Variants in TIAM1 observed in about 807,000 individuals in gnomAD.
TIAM1 encodes the protein rho guanine nucleotide exchange factor TIAM1.
In TIAM1, 65 loss-of-function variants were observed where a neutral mutation model predicts 163.5. The observed-to-expected ratio is 0.40, with a 90% CI of 0.33 to 0.49. TIAM1 has a LOEUF of 0.49. Among genes scored for constraint, TIAM1 ranks in the 20% least tolerant of loss-of-function variants. TIAM1 has a pLI of 0.77. For missense variants in TIAM1, 1,789 were observed against 2,044.7 expected (o/e 0.87, Z 2.41); for synonymous variants, 833 against 810.1 (o/e 1.03, Z -0.48).
chr21:31,433,019 A>C (rs1157739110), intron 2 of TIAM1, among the ~76,000 whole-genome samples: 1 of 152,242 alleles, frequency 6.6e-6, no homozygotes, highest in Non-Finnish European at 1.5e-5. Flanking sequence ...TAACAAATTT[A>C]AATGTATGTG....
intron 15 of TIAM1, among the ~76,000 whole-genome samples, chr21:31,172,501 G>A (rs1462556669): frequency 6.6e-6 from 1 of 152,176 alleles, no homozygotes; most frequent in African/African-American, 2.4e-5. Flanking sequence ...ACCAATCAGA[G>A]AGAGAAGAAA....
intron 2 of TIAM1, among the ~76,000 whole-genome samples, chr21:31,279,486 C>G (rs115306438): frequency 1.3e-5 from 2 of 152,202 alleles, no homozygotes; most frequent in Non-Finnish European, 2.9e-5. Context: ...GAGACAGCTA[C>G]GTACCAAGCT....
At position 31,168,265 on chromosome 21, in the gene TIAM1, T is replaced by C. The variant is rs532810834; in HGVS notation, c.2888-3200A>G. Reference sequence around the variant, plus strand: ...CCGTCACCACGCTGGCTAATTTCTGTATTTTTAGTAGAAATGGGGTTTTGC... The same window carrying C: ...CCGTCACCACGCTGGCTAATTTCTGCATTTTTAGTAGAAATGGGGTTTTGC... On this transcript the variant is annotated intron_variant, in intron 15 of 27. Coordinates refer to ENST00000541036, the MANE Select transcript of TIAM1 (RefSeq NM_001353694.2). 1.5e-4 allele frequency among the ~76,000 whole-genome samples: 23 copies of C among 152,128 alleles called. No homozygotes were observed. The East Asian group carries it at 4.5e-3, about 30-fold the overall frequency.
At position 31,455,260 on chromosome 21, in the gene TIAM1, C is replaced by T. The variant is rs1442430566; in HGVS notation, c.-369+8723G>A. On this transcript the variant is annotated intron_variant, in intron 2 of 28. Transcript: ENST00000286827. ...TACCATTGCACTCCAGCCTGGGCAA[C>T]AAGAGTGAAACTCTGCCTCAAAAAA... Among the ~76,000 whole-genome samples, 3 of 85,152 alleles carry T rather than the reference C, an allele frequency of 3.5e-5. No homozygotes were observed. The East Asian group carries it at 1.1e-3, about 32-fold the overall frequency. 55.9% of individuals were successfully genotyped at this position (85,152 alleles called of 152,430 possible).
intron 2 of TIAM1, among the ~76,000 whole-genome samples, chr21:31,388,260 A>ACACACACACACG (rs1413732260): frequency 3.4e-5 from 1 of 29,522 alleles, no homozygotes; most frequent in Non-Finnish European, 7.0e-5. Context: ...CACACACACA[A>ACACACACACACG]CCTCTTACGT....
At chr21:31,394,284 C>A in intron 2 of TIAM1, among the ~76,000 whole-genome samples, 1 of 152,140 alleles carries the variant, frequency 6.6e-6, no homozygotes, top group East Asian at 1.9e-4. Context: ...TCCAACTACA[C>A]GACATCCTGG....
chr21:31,538,381 A>C (rs947396935), intron 1 of TIAM1, among the ~76,000 whole-genome samples: 2 of 152,212 alleles, frequency 1.3e-5, no homozygotes, highest in Non-Finnish European at 2.9e-5. Context: ...TGTCTCTATA[A>C]AAAATTTTTT....
intron 2 of TIAM1, among the ~76,000 whole-genome samples, chr21:31,388,956 T>G (rs2076924611): frequency 6.6e-6 from 1 of 152,214 alleles, no homozygotes; most frequent in African/African-American, 2.4e-5. Context: ...AAGCCAGGGT[T>G]CAGAAAACTT....
intron 2 of TIAM1, among the ~76,000 whole-genome samples, chr21:31,313,328 G>C (rs1466234994): frequency 6.6e-6 from 1 of 152,090 alleles, no homozygotes; most frequent in Non-Finnish European, 1.5e-5. Flanking sequence ...CAGGAAAATT[G>C]TTTAGCTCTT....
chr21:31,209,419 T>C (rs1247633510), intron 11 of TIAM1, among the ~76,000 whole-genome samples: 1 of 152,234 alleles, frequency 6.6e-6, no homozygotes, highest in African/African-American at 2.4e-5. Context: ...AGGCATTTCT[T>C]CCATGGTTTA....
At chr21:31,314,092 CTCAT>C (rs1449699796) in intron 2 of TIAM1, among the ~76,000 whole-genome samples, 1 of 152,118 alleles carries the variant, frequency 6.6e-6, no homozygotes, top group Non-Finnish European at 1.5e-5. Context: ...CATATAAAAG[CTCAT>C]TCAGTCTTCC....
At chr21:31,178,451 C>A (rs546735909) in intron 15 of TIAM1, among the ~76,000 whole-genome samples, 1 of 151,920 alleles carries the variant, frequency 6.6e-6, no homozygotes, top group African/African-American at 2.4e-5. Flanking sequence ...GGACTACAGG[C>A]ACCCGCCACC....
intron 6 of TIAM1, among the ~76,000 whole-genome samples, chr21:31,235,501 A>G (rs2088703229): frequency 6.6e-6 from 1 of 152,240 alleles, no homozygotes; most frequent in East Asian, 1.9e-4. Flanking sequence ...GAAAGTCAGT[A>G]GTATCTAAAA....
At position 31,548,489 on chromosome 21, in the gene TIAM1, TG is replaced by T. The variant is rs1298423510; in HGVS notation, c.-422+10437del. Among the ~76,000 whole-genome samples the T allele has an allele frequency of 1.3e-4, 19 of 149,634 alleles. No homozygotes were observed. The East Asian group carries it at 1.6e-3, about 12-fold the overall frequency. Reference sequence around the variant, plus strand: ...TTTCTCAACCTTAACCTTTTGTTGTTGTTTTTTTTTTTTTTTGAGACGAGAG... The same window carrying T: ...TTTCTCAACCTTAACCTTTTGTTGTTTTTTTTTTTTTTTTTGAGACGAGAG... On this transcript the variant is annotated intron_variant, in intron 1 of 28. Coordinates refer to the TIAM1 transcript ENST00000286827.
chr21:31,234,492 G>C (rs1257814819), intron 6 of TIAM1, among the ~76,000 whole-genome samples: 1 of 152,034 alleles, frequency 6.6e-6, no homozygotes, highest in African/African-American at 2.4e-5. Flanking sequence ...TGAAGGATCA[G>C]AACACCAGCA....
At chr21:31,428,479 C>G (rs2043879501) in intron 2 of TIAM1, among the ~76,000 whole-genome samples, 1 of 152,182 alleles carries the variant, frequency 6.6e-6, no homozygotes, top group Admixed American at 6.5e-5. Flanking sequence ...TTCAAAGCCA[C>G]TAATGTTTAC....
chr21:31,426,226 T>G (rs914022739), intron 2 of TIAM1, among the ~76,000 whole-genome samples: 1 of 152,132 alleles, frequency 6.6e-6, no homozygotes, highest in Non-Finnish European at 1.5e-5. Context: ...CTTATGTCTT[T>G]GCATAAGGGC....
At chr21:31,223,309 G>A (rs943105841) in intron 8 of TIAM1, 97 bp downstream of exon 8, 1 of 1,352,826 alleles carries the variant, frequency 7.4e-7, no homozygotes, top group Non-Finnish European at 1.0e-6. Context: ...ATACACAGCA[G>A]GAAGCTCGAA....
intron 1 of TIAM1, among the ~76,000 whole-genome samples, chr21:31,521,350 C>T (rs1259766258): frequency 6.6e-6 from 1 of 152,148 alleles, no homozygotes; most frequent in Non-Finnish European, 1.5e-5. Context: ...ACCTAAGGTT[C>T]CAGCAGTCAT....
Sources: allele counts gnomAD v4.1 joint callset (sites outside exome capture counted in the v4.1 genomes callset), GRCh38; gene constraint gnomAD v4.1.1; transcripts MANE v1.5; gene names NCBI Gene and HGNC (gene_info 2026-07-23, HGNC 2026-07-21).